PPP1R12A: variants seen among roughly 807,000 people sequenced by gnomAD.
PPP1R12A encodes protein phosphatase 1 regulatory subunit 12A, also known as myosin binding subunit.
In PPP1R12A, 19 loss-of-function variants were observed where a neutral mutation model predicts 139.6. That is an observed-to-expected ratio of 0.14 (90% CI 0.09 to 0.20). PPP1R12A has a LOEUF of 0.20. Among genes scored for constraint, PPP1R12A ranks in the 10% least tolerant of loss-of-function variants. The pLI is 1.00. For synonymous variants in PPP1R12A, 427 were observed against 420.6 expected (o/e 1.02, Z -0.19); for missense variants, 925 against 1,211.5 (o/e 0.76, Z 3.51).
At chr12:79,790,683 G>A (rs1198252976) in intron 19 of PPP1R12A, among the ~76,000 whole-genome samples, 200 bp from the exon 20 acceptor site, 2 of 152,096 alleles carry the variant, frequency 1.3e-5, no homozygotes. Context: ...TTTAAGGTCA[G>A]CAATTAGGTG....
At chr12:79,824,835 T>G (rs1263728546) in intron 5 of PPP1R12A, among the ~76,000 whole-genome samples, 1 of 152,072 alleles carries the variant, frequency 6.6e-6, no homozygotes, top group Non-Finnish European at 1.5e-5. Flanking sequence ...ACATGAAAAC[T>G]TTATCAAGAG....
intron 2 of PPP1R12A, among the ~76,000 whole-genome samples, chr12:79,855,064 C>T (rs1880477913): frequency 6.6e-6 from 1 of 152,130 alleles, no homozygotes; most frequent in African/African-American, 2.4e-5. Flanking sequence ...TCTCCGCTCA[C>T]TGTAAGCTCC....
At chr12:79,845,995 G>A (rs1041684385) in intron 2 of PPP1R12A, among the ~76,000 whole-genome samples, 4 of 48,260 alleles carry the variant, frequency 8.3e-5, no homozygotes, top group South Asian at 6.2e-4. Context: ...TGGTCTCTGC[G>A]CTCCCAATCT....
intron 1 of PPP1R12A, among the ~76,000 whole-genome samples, chr12:79,918,382 G>A (rs1286742304): frequency 6.6e-6 from 1 of 152,124 alleles, no homozygotes; most frequent in Admixed American, 6.5e-5. Context: ...ATAGCCTATA[G>A]TGTACATTTT....
intron 23 of PPP1R12A, chr12:79,780,203 C>G (rs965405403): frequency 1.3e-5 from 2 of 150,040 alleles, no homozygotes; most frequent in Non-Finnish European, 2.9e-5. Context: ...TATTCTGTCT[C>G]TTTAAAAAAA....
At chr12:79,918,452 C>A (rs1720177955) in intron 1 of PPP1R12A, among the ~76,000 whole-genome samples, 1 of 152,090 alleles carries the variant, frequency 6.6e-6, no homozygotes, top group Non-Finnish European at 1.5e-5. Context: ...TCTGCAATAT[C>A]AATACTCTGC....
rs945650039 is a variant in PPP1R12A, at chr12:79,775,779, T to C, written c.*150A>G. On this transcript the variant is annotated 3_prime_UTR_variant, in exon 25 of 25. Transcript: ENST00000450142. The stretch of plus-strand genomic sequence containing the variant: ...AAACACCCCAGAAAATTAAACAAAA[T>C]GAAACAAAAATTCTAGATAAGAGGG... 2.2e-6 allele frequency: 1 copy of C among 457,142 alleles called. No individual in the cohort carries two copies. Among genetic ancestry groups the C allele is most frequent in the Non-Finnish European group, 3.7e-6 (1 of 270,638 alleles). 28.3% of individuals were successfully genotyped at this position (457,142 alleles called of 1,614,324 possible).
intron 19 of PPP1R12A, 152 bp downstream of exon 19, chr12:79,793,711 C>G: frequency 1.7e-6 from 1 of 574,296 alleles, no homozygotes; most frequent in Non-Finnish European, 2.9e-6. Context: ...CCTTTTAATC[C>G]TGATCCCCAG....
At chr12:79,846,504 A>G (rs1180473804) in intron 2 of PPP1R12A, among the ~76,000 whole-genome samples, 1 of 151,410 alleles carries the variant, frequency 6.6e-6, no homozygotes. Context: ...ATCTCTGCTC[A>G]CTGCAAGCTC....
At chr12:79,838,298 G>T (rs1353831183) in intron 3 of PPP1R12A, among the ~76,000 whole-genome samples, 3 of 152,192 alleles carry the variant, frequency 2.0e-5, no homozygotes, top group Non-Finnish European at 4.4e-5. Context: ...TCTGATGAAA[G>T]AAATTTCTAA....
chr12:79,806,286 G>C lies in PPP1R12A; in HGVS notation c.1703C>G (p.Pro568Arg). The change falls in exon 13 of 25, where the codon CCA (proline) becomes CGA (arginine). Residue 568 changes from proline (P) to arginine (R), a missense_variant. Coordinates refer to ENST00000450142, the MANE Select transcript of PPP1R12A (RefSeq NM_002480.3). The part of the protein sequence containing the change: ...RQDDLISSSV[P>R]STTSTPTVTS... ...AACTGTTGGTGTTGATGTGGTGCTT[G>C]GAACACTAGAACTAATCAAATCATC... The C allele has an allele frequency of 6.2e-7, 1 of 1,613,842 alleles. No individual in the cohort carries two copies. Among genetic ancestry groups the C allele is most frequent in the South Asian group, 1.1e-5 (1 of 91,078 alleles).
At chr12:79,824,402 A>G (rs1190310946) in intron 5 of PPP1R12A, among the ~76,000 whole-genome samples, 2 of 152,208 alleles carry the variant, frequency 1.3e-5, no homozygotes, top group African/African-American at 4.8e-5. Flanking sequence ...AACTGTAATT[A>G]AATTTTTCTA....
chr12:79,911,212 C>A (rs529028549), intron 1 of PPP1R12A, among the ~76,000 whole-genome samples: 1 of 152,110 alleles, frequency 6.6e-6, no homozygotes, highest in Non-Finnish European at 1.5e-5. Flanking sequence ...TTTTCAGACA[C>A]CTTTTCTCCA....
chr12:79,802,576 A>G (rs1229120974), intron 14 of PPP1R12A, among the ~76,000 whole-genome samples: 1 of 152,108 alleles, frequency 6.6e-6, no homozygotes, highest in Non-Finnish European at 1.5e-5. Flanking sequence ...TGTGGCCAGG[A>G]GTTTGAGACC....
intron 13 of PPP1R12A, 93 bp downstream of exon 13, chr12:79,806,073 A>G: frequency 1.4e-6 from 2 of 1,424,534 alleles, no homozygotes; most frequent in Admixed American, 2.3e-5. Context: ...AGATAAATGA[A>G]AAAATCCAGA....
chr12:79,886,720 C>T (rs61952068), intron 1 of PPP1R12A, among the ~76,000 whole-genome samples: 89 of 152,008 alleles, frequency 5.9e-4, no homozygotes, highest in Non-Finnish European at 1.1e-3. Flanking sequence ...AAAAAACCCA[C>T]AAAAGTTTCT....
intron 1 of PPP1R12A, among the ~76,000 whole-genome samples, chr12:79,932,042 A>G (rs1055261247): frequency 6.6e-6 from 1 of 152,214 alleles, no homozygotes; most frequent in African/African-American, 2.4e-5. Flanking sequence ...GATGTTCCTA[A>G]AACTTTTCTC....
At chr12:79,856,083 A>G (rs2137259435) in intron 2 of PPP1R12A, among the ~76,000 whole-genome samples, 1 of 152,258 alleles carries the variant, frequency 6.6e-6, no homozygotes, top group Admixed American at 6.5e-5. Flanking sequence ...TCTACTTCCA[A>G]TCTCACTGCC....
intron 1 of PPP1R12A, among the ~76,000 whole-genome samples, chr12:79,908,030 C>T (rs979473069): frequency 6.6e-6 from 1 of 152,098 alleles, no homozygotes; most frequent in Non-Finnish European, 1.5e-5. Flanking sequence ...AAAAATCAGA[C>T]GGCTTGCTAC....
Sources: gnomAD v4.1 joint callset for allele counts (sites outside exome capture counted in the v4.1 genomes callset) on GRCh38, gnomAD v4.1.1 for gene constraint, MANE v1.5 for transcripts, NCBI Gene and HGNC (gene_info 2026-07-23, HGNC 2026-07-21) for gene names.